Variants in WDPCP observed in about 807,000 individuals in gnomAD.
WDPCP encodes WD repeat-containing and planar cell polarity effector protein fritz homolog.
A neutral mutation model predicts 93.1 loss-of-function variants in WDPCP; 71 were observed. The ratio of observed to expected loss-of-function variants is 0.76; its 90% CI spans 0.63 to 0.93. WDPCP has a LOEUF of 0.93. WDPCP is among the 40% of genes least tolerant of loss of function. The pLI is 0.00. For missense variants in WDPCP, 844 were observed against 887.4 expected (o/e 0.95, Z 0.62); for synonymous variants, 315 against 315.0 (o/e 1.00, Z 0.00).
At chr2:63,797,898 G>A (rs775003426) in intron 2 of WDPCP, among the ~76,000 whole-genome samples, 3 of 152,058 alleles carry the variant, frequency 2.0e-5, no homozygotes, top group Non-Finnish European at 4.4e-5. Flanking sequence ...ACTGCCAAAG[G>A]TCAGGGGCAA....
chr2:63,635,497 T>C (rs766981548), intron 3 of WDPCP, among the ~76,000 whole-genome samples: 2 of 152,068 alleles, frequency 1.3e-5, no homozygotes, highest in Non-Finnish European at 1.5e-5. Flanking sequence ...TTGAATTCAA[T>C]AGCACATTAA....
intron 2 of WDPCP, among the ~76,000 whole-genome samples, chr2:63,763,251 C>T (rs1237177259): frequency 6.6e-6 from 1 of 152,042 alleles, no homozygotes; most frequent in Non-Finnish European, 1.5e-5. Flanking sequence ...TGCCTGTGAT[C>T]CCAGCACTTT....
At chr2:63,384,814 C>T (rs141410791) in intron 10 of WDPCP, among the ~76,000 whole-genome samples, 110 of 151,644 alleles carry the variant, frequency 7.3e-4, no homozygotes, top group Non-Finnish European at 1.3e-3. Flanking sequence ...AGAATACTTC[C>T]CAACTCATTT....
intron 1 of WDPCP, among the ~76,000 whole-genome samples, chr2:63,532,639 C>A (rs1325332431): frequency 6.6e-6 from 1 of 152,148 alleles, no homozygotes; most frequent in African/African-American, 2.4e-5. Context: ...AAATAAAAGC[C>A]TTTACAGACA....
chr2:63,385,728 C>T (rs1189292707), intron 10 of WDPCP, among the ~76,000 whole-genome samples: 1 of 151,856 alleles, frequency 6.6e-6, no homozygotes, highest in Non-Finnish European at 1.5e-5. Flanking sequence ...CAGTCAAAAT[C>T]CCATCAGGTG....
chr2:63,574,832 G>A (rs1707799843), intron 1 of WDPCP, among the ~76,000 whole-genome samples: 1 of 152,086 alleles, frequency 6.6e-6, no homozygotes, highest in Non-Finnish European at 1.5e-5. Context: ...AATAATTCCT[G>A]TCCATAGAAA....
intron 12 of WDPCP, among the ~76,000 whole-genome samples, chr2:63,324,450 C>T (rs1321750749): frequency 6.6e-6 from 1 of 152,150 alleles, no homozygotes; most frequent in African/African-American, 2.4e-5. Flanking sequence ...GGGAATTTGG[C>T]CCAACCCAGG....
At chr2:63,665,544 A>G (rs145527817) in intron 2 of WDPCP, among the ~76,000 whole-genome samples, 225 of 152,352 alleles carry the variant, frequency 1.5e-3, no homozygotes, top group Non-Finnish European at 2.6e-3. Context: ...TCCAAATAAG[A>G]TCACATACTG....
intron 12 of WDPCP, among the ~76,000 whole-genome samples, chr2:63,353,492 A>T (rs2104575169): frequency 6.6e-6 from 1 of 152,152 alleles, no homozygotes; most frequent in East Asian, 1.9e-4. Context: ...TCCTGGTGGG[A>T]GGGGCAGGCC....
At chr2:63,602,934 C>CTTTTGTTTTTTTTTT (rs1709452776) in intron 3 of WDPCP, among the ~76,000 whole-genome samples, 7 of 131,538 alleles carry the variant, frequency 5.3e-5, no homozygotes, top group Non-Finnish European at 1.2e-4. Context: ...TTTAACCGTT[C>CTTTTGTTTTTTTTTT]TTTTTTTTTT....
chr2:63,831,312 T>A (rs1671189498), upstream of WDPCP, among the ~76,000 whole-genome samples: 3 of 152,214 alleles, frequency 2.0e-5, no homozygotes, highest in Non-Finnish European at 4.4e-5. Context: ...TCCAAACTCA[T>A]TTCTTGCCTC....
At chr2:63,405,481 C>G (rs1575346807) in intron 9 of WDPCP, among the ~76,000 whole-genome samples, 1 of 150,084 alleles carries the variant, frequency 6.7e-6, no homozygotes, top group Non-Finnish European at 1.5e-5. Context: ...AGAGGACTGA[C>G]TTTTCATATA....
chr2:63,392,981 G>A (rs927313522), intron 10 of WDPCP, among the ~76,000 whole-genome samples: 3 of 152,184 alleles, frequency 2.0e-5, no homozygotes, highest in African/African-American at 7.2e-5. Context: ...ACAGTGTGGC[G>A]ATTCCTCAAG....
At chr2:63,310,149 C>T (rs1390860963) in intron 13 of WDPCP, among the ~76,000 whole-genome samples, 1 of 152,070 alleles carries the variant, frequency 6.6e-6, no homozygotes, top group African/African-American at 2.4e-5. Flanking sequence ...CCAGGCACTT[C>T]ATATATATTA....
chr2:63,775,128 G>C (rs530336074), intron 2 of WDPCP, among the ~76,000 whole-genome samples: 1 of 152,124 alleles, frequency 6.6e-6, no homozygotes, highest in African/African-American at 2.4e-5. Context: ...TGGGCTCAAC[G>C]TCACAGACCC....
chr2:63,475,780 T>G (rs1413023829), intron 6 of WDPCP, among the ~76,000 whole-genome samples: 1 of 152,112 alleles, frequency 6.6e-6, no homozygotes, highest in South Asian at 2.1e-4. Context: ...TCTTTATGTT[T>G]CTTCTGTTGG....
intron 12 of WDPCP, among the ~76,000 whole-genome samples, chr2:63,376,582 C>T (rs13028443): frequency 0.55 from 83,619 of 151,630 alleles, 23,370 homozygotes; most frequent in Admixed American, 0.63. Context: ...TTCACTTTCA[C>T]CTTTTTGGGC....
At chr2:63,342,979 A>G (rs1688950990) in intron 12 of WDPCP, among the ~76,000 whole-genome samples, 1 of 152,028 alleles carries the variant, frequency 6.6e-6, no homozygotes, top group East Asian at 1.9e-4. Context: ...TTTAAGAGAT[A>G]ATTTTGCTGG....
At chr2:63,719,681 C>G (rs1184976875) in intron 2 of WDPCP, among the ~76,000 whole-genome samples, 1 of 151,820 alleles carries the variant, frequency 6.6e-6, no homozygotes, top group Non-Finnish European at 1.5e-5. Flanking sequence ...AATGTATGTT[C>G]CCATACATTC....
Sources: allele counts gnomAD v4.1 joint callset (sites outside exome capture counted in the v4.1 genomes callset), GRCh38; gene constraint gnomAD v4.1.1; transcripts MANE v1.5; gene names NCBI Gene and HGNC (gene_info 2026-07-23, HGNC 2026-07-21).